Variants in FER1L6 observed in about 807,000 individuals in gnomAD.
The protein encoded by FER1L6 is fer-1-like protein 6.
A neutral mutation model predicts 219.2 loss-of-function variants in FER1L6; 177 were observed. That is an observed-to-expected ratio of 0.81 (90% CI 0.71 to 0.91). The LOEUF is 0.91. Ranked by LOEUF, FER1L6 falls within the 40% of genes least tolerant of loss-of-function variation. The pLI, the probability that FER1L6 is intolerant of heterozygous loss-of-function variation, is 0.00. For synonymous variants in FER1L6, 768 were observed against 824.3 expected (o/e 0.93, Z 1.17); for missense variants, 2,153 against 2,259.9 (o/e 0.95, Z 0.96).
In FER1L6 at chr8:124,091,588, C is replaced by T. The variant is rs745668754; in HGVS notation, c.4552+5C>T. The T allele has an allele frequency of 1.2e-6, 2 of 1,611,814 alleles. No individual in the cohort carries two copies. The highest frequency in any genetic ancestry group is 3.4e-5 in the Admixed American group (2 of 59,652). On this transcript the variant is annotated splice_donor_5th_base_variant and intron_variant, in intron 34 of 40. Transcript: ENST00000522917. ...TCTTCACTGAAGAGGACACTGGTAA[C>T]TCCCTGCAAAATATCCTGCTGGTGT... is the stretch of plus-strand genomic sequence containing the variant.
At chr8:123,879,358 A>T (rs112233569) in intron 1 of FER1L6, among the ~76,000 whole-genome samples, 5,747 of 151,884 alleles carry the variant, frequency 0.038, 153 homozygotes, top group Non-Finnish European at 0.06. Context: ...ATGGAATCTC[A>T]CTCTGTTGAC....
intron 1 of FER1L6, among the ~76,000 whole-genome samples, chr8:123,910,883 T>C (rs12548510): frequency 0.35 from 53,649 of 151,994 alleles, 9,845 homozygotes; most frequent in Middle Eastern, 0.43. Flanking sequence ...ATGCATGAAA[T>C]TGATGGTCAG....
At chr8:123,904,854 C>A (rs1217268250) in intron 1 of FER1L6, among the ~76,000 whole-genome samples, 1 of 152,198 alleles carries the variant, frequency 6.6e-6, no homozygotes, top group Admixed American at 6.5e-5. Flanking sequence ...CACTAGCTTT[C>A]AAGAGTCAGT....
At chr8:124,017,997 C>T (rs1044489901) in intron 16 of FER1L6, among the ~76,000 whole-genome samples, 8 of 152,256 alleles carry the variant, frequency 5.3e-5, no homozygotes, top group African/African-American at 7.2e-5. Flanking sequence ...TTGTTAAAGG[C>T]GGTAGACTCG....
chr8:123,974,464 C>T (rs1158419191), intron 7 of FER1L6, among the ~76,000 whole-genome samples: 2 of 151,560 alleles, frequency 1.3e-5, no homozygotes, highest in African/African-American at 4.8e-5. Flanking sequence ...GGTGAAGCCC[C>T]ATCTCTACTA....
chr8:123,896,580 T>A (rs1451173469), intron 1 of FER1L6, among the ~76,000 whole-genome samples: 1 of 152,204 alleles, frequency 6.6e-6, no homozygotes, highest in Non-Finnish European at 1.5e-5. Flanking sequence ...CGCGAGTCTC[T>A]CATTTTAAAG....
At chr8:124,044,093 G>A (rs113370668) in intron 20 of FER1L6, among the ~76,000 whole-genome samples, 8,613 of 152,284 alleles carry the variant, frequency 0.057, 342 homozygotes, top group Non-Finnish European at 0.086. Context: ...AGAAGATACC[G>A]AAATATTTCT....
chr8:124,043,074 T>C (rs1436094533), intron 20 of FER1L6, among the ~76,000 whole-genome samples: 1 of 152,166 alleles, frequency 6.6e-6, no homozygotes, highest in Admixed American at 6.5e-5. Flanking sequence ...CCTGAGGACA[T>C]GAATGGTCTC....
At chr8:123,886,369 C>G (rs1817202964) in intron 1 of FER1L6, among the ~76,000 whole-genome samples, 1 of 152,164 alleles carries the variant, frequency 6.6e-6, no homozygotes, top group Admixed American at 6.5e-5. Flanking sequence ...AATTCTTGCT[C>G]TCACAAGAGT....
At chr8:124,022,184 C>T (rs1244298998) in intron 17 of FER1L6, among the ~76,000 whole-genome samples, 4 of 152,186 alleles carry the variant, frequency 2.6e-5, no homozygotes, top group Non-Finnish European at 5.9e-5. Flanking sequence ...AGATTTACTG[C>T]TTCTGTTTTT....
chr8:123,892,502 A>G (rs1315972793), intron 1 of FER1L6, among the ~76,000 whole-genome samples: 1 of 152,116 alleles, frequency 6.6e-6, no homozygotes, highest in Admixed American at 6.6e-5. Flanking sequence ...TGCATTGGCC[A>G]GGCTGGTTGC....
rs544052147 is a variant in FER1L6 at position 124,063,813 on chromosome 8, G to A, written c.3329-534G>A. On this transcript the variant is annotated intron_variant, in intron 25 of 40. Coordinates refer to ENST00000522917, the MANE Select transcript of FER1L6 (RefSeq NM_001039112.2). Reference sequence around the variant, plus strand: ...CTCCTACAGCATAAAACGGAGAGATGAGGACCATTGGCAGTGAAGGACAGC... The same window carrying A: ...CTCCTACAGCATAAAACGGAGAGATAAGGACCATTGGCAGTGAAGGACAGC... Among the ~76,000 whole-genome samples, 126 of 152,322 alleles carry A rather than the reference G, an allele frequency of 8.3e-4. 1 individual carries two copies. The highest frequency in any genetic ancestry group is 2.9e-3 in the African/African-American group (119 of 41,576).
At chr8:124,023,396 C>A (rs373629280) in intron 17 of FER1L6, 48 bp from the exon 18 acceptor site, 113 of 1,582,974 alleles carry the variant, frequency 7.1e-5, no homozygotes, top group Non-Finnish European at 9.6e-5. Context: ...CAATGCCAAC[C>A]TTTCAAATCC....
rs1468622183 is a variant in FER1L6 at position 124,066,456 on chromosome 8, C to T, written c.3584C>T (p.Thr1195Ile). ...KDPRKPSRRSTKRRKRTIADE... is the reference protein window; with the variant it reads ...KDPRKPSRRSIKRRKRTIADE... ...CCCAGGAAGCCTTCCCGGAGGTCCA[C>T]TAAGAGGAGAAAGAGGACCATAGCA... Residue 1195 changes from threonine (T) to isoleucine (I), a missense_variant, in exon 27 of 41, where the codon ACT becomes ATT. By Grantham distance (89) the Thr-to-Ile change is moderately conservative (BLOSUM62 -1). Transcript: ENST00000522917. 2.5e-6 allele frequency: 4 copies of T among 1,614,000 alleles called. No homozygotes were observed. Among genetic ancestry groups the T allele is most frequent in the Non-Finnish European group, 3.4e-6 (4 of 1,179,922 alleles).
intron 1 of FER1L6, among the ~76,000 whole-genome samples, chr8:123,921,527 G>A (rs1044915756): frequency 6.9e-6 from 1 of 144,312 alleles, no homozygotes; most frequent in Non-Finnish European, 1.5e-5. Flanking sequence ...ACCATGCCAG[G>A]CTAATTTTTG....
At chr8:124,042,292 C>T (rs1043442782) in intron 20 of FER1L6, among the ~76,000 whole-genome samples, 1 of 152,216 alleles carries the variant, frequency 6.6e-6, no homozygotes, top group African/African-American at 2.4e-5. Context: ...GAGTTCTGGA[C>T]TCTGTCTCCA....
chr8:123,966,833 G>GCACTTTGGGAGGC (rs1815563636), intron 5 of FER1L6, among the ~76,000 whole-genome samples: 1 of 152,174 alleles, frequency 6.6e-6, no homozygotes, highest in African/African-American at 2.4e-5. Context: ...TGTAATCCCA[G>GCACTTTGGGAGGC]CACTTTGGGA....
At chr8:123,999,951 G>C (rs1458063160) in intron 12 of FER1L6, among the ~76,000 whole-genome samples, 4 of 152,188 alleles carry the variant, frequency 2.6e-5, no homozygotes, top group Admixed American at 6.5e-5. Context: ...CATAGCACCA[G>C]GACTTTTCCA....
intron 12 of FER1L6, among the ~76,000 whole-genome samples, chr8:124,002,109 AT>A (rs1817435853): frequency 6.6e-6 from 1 of 152,168 alleles, no homozygotes; most frequent in Non-Finnish European, 1.5e-5. Flanking sequence ...GGGCTTTTAT[AT>A]CCCCACACGA....
Sources: allele counts gnomAD v4.1 joint callset (sites outside exome capture counted in the v4.1 genomes callset), GRCh38; gene constraint gnomAD v4.1.1; transcripts MANE v1.5; gene names NCBI Gene and HGNC (gene_info 2026-07-23, HGNC 2026-07-21).